Variants in PCDHGB4 observed in about 807,000 individuals in gnomAD.
The protein encoded by PCDHGB4 is protocadherin gamma-B4.
Under a neutral mutation model 60.5 loss-of-function variants are expected in PCDHGB4, and 38 were observed. That is an observed-to-expected ratio of 0.63 (90% CI 0.48 to 0.82). The LOEUF is 0.82. Ranked by LOEUF, PCDHGB4 falls within the 40% of genes least tolerant of loss-of-function variation. The pLI, the probability that PCDHGB4 is intolerant of heterozygous loss-of-function variation, is 0.00. For synonymous variants in PCDHGB4, 456 were observed against 509.7 expected, an observed-to-expected ratio of 0.89 and a Z score of 1.42; for missense variants, 1,109 against 1,209.6, an observed-to-expected ratio of 0.92 and a Z score of 1.23.
intron 1 of PCDHGB4, chr5:141,479,743 T>C (rs2154578017): frequency 6.6e-6 from 1 of 152,356 alleles, no homozygotes; most frequent in African/African-American, 2.4e-5. Flanking sequence ...ATATGCACAA[T>C]GTGAAAGGTA....
intron 1 of PCDHGB4, chr5:141,410,849 C>CTTTTTTTTTTTTTTTTTTGTTTTTTTT (rs2095435748): frequency 1.5e-5 from 2 of 129,786 alleles, no homozygotes; most frequent in Non-Finnish European, 2.6e-5. Context: ...TTGTCTTTGT[C>CTTTTTTTTTTTTTTTTTTGTTTTTTTT]TTTTTTTTTT....
chr5:141,434,714 G>A (rs1333237898), intron 1 of PCDHGB4, among the ~76,000 whole-genome samples: 1 of 151,564 alleles, frequency 6.6e-6, no homozygotes, highest in Non-Finnish European at 1.5e-5. Context: ...GTAAATCTCT[G>A]TTCAGGGCTC....
chr5:141,422,626 C>A, intron 1 of PCDHGB4: 2 of 1,613,334 alleles, frequency 1.2e-6, no homozygotes, highest in Non-Finnish European at 1.7e-6. Flanking sequence ...CGAAAACAAC[C>A]CCAGGGGTGC....
chr5:141,488,054 A>G (rs1255295788), intron 1 of PCDHGB4, among the ~76,000 whole-genome samples: 1 of 152,206 alleles, frequency 6.6e-6, no homozygotes, highest in Admixed American at 6.5e-5. Flanking sequence ...TTGAGGGGAA[A>G]TAAAATCTTT....
rs115808055 is a variant in PCDHGB4 at position 141,476,782 on chromosome 5, A to G, written c.2398-18025A>G. Reference sequence around the variant, plus strand: ...TGACGGCGTTGGACGGAGGGACCCCAGCTCTCTCCGCCAGCCTGCCTATTC... The same window carrying G: ...TGACGGCGTTGGACGGAGGGACCCCGGCTCTCTCCGCCAGCCTGCCTATTC... On this transcript the variant is annotated intron_variant, in intron 1 of 3. Transcript: ENST00000519479. This position sits in a 1 kb window ranked among gnomAD's most constrained non-coding sequence, Gnocchi z 7.6. 18,517 of 1,613,566 alleles carry G rather than the reference A, an allele frequency of 0.011. 139 individuals are homozygous for G. Among genetic ancestry groups the G allele is most frequent in the Non-Finnish European group, 0.014 (16,976 of 1,179,996 alleles).
chr5:141,422,027 C>A, intron 1 of PCDHGB4: 1 of 1,610,650 alleles, frequency 6.2e-7, no homozygotes, highest in Non-Finnish European at 8.5e-7. Context: ...ATGGTTAATG[C>A]AACGGATCCA....
rs748605515 is a variant in PCDHGB4 at position 141,486,688 on chromosome 5, C to T, written c.2398-8119C>T. ...CCAGGAATCGAGATGTATCAGCTTC[C>T]TCTTTCATCTCTCTGAACCCCCAGA... On this transcript the variant is annotated intron_variant, in intron 1 of 3. Transcript: ENST00000519479. The surrounding 1 kb of genome is among the most constrained non-coding windows in gnomAD (Gnocchi z 5.0). 2 of 1,614,170 alleles carry T rather than the reference C, an allele frequency of 1.2e-6. No individual in the cohort carries two copies. The highest frequency in any genetic ancestry group is 1.1e-5 in the South Asian group (1 of 91,086).
Position 141,389,832 on chromosome 5 carries a change from C to T in PCDHGB4, c.1948C>T (p.Pro650Ser), listed in dbSNP as rs758113562. Reference protein sequence around the residue: ...LLVAVRDGGQPPLSATATLHL... With the variant: ...LLVAVRDGGQSPLSATATLHL... ...GGTCGCCGTGCGTGACGGTGGACAG[C>T]CACCACTCTCGGCCACTGCCACGTT... The change falls in exon 1 of 4, where the codon CCA (proline) becomes TCA (serine). Residue 650 changes from proline to serine, a missense_variant. Around this residue, in one of 2 missense-constraint regions of PCDHGB4, gnomAD observed 1,068 missense variants for 1,089.9 expected, o/e 0.98. Coordinates refer to ENST00000519479, the MANE Select transcript of PCDHGB4 (RefSeq NM_003736.4). The T allele has an allele frequency of 2.2e-5, 36 of 1,613,848 alleles. 1 individual carries two copies. The South Asian group carries it at 3.8e-4, about 17-fold the overall frequency.
chr5:141,419,851 C>T, intron 1 of PCDHGB4: 1 of 1,614,062 alleles, frequency 6.2e-7, no homozygotes, highest in Non-Finnish European at 8.5e-7. Context: ...ACCTGGTGTT[C>T]GCAGATAGCT....
At chr5:141,460,741 A>G (rs1378900827) in intron 1 of PCDHGB4, among the ~76,000 whole-genome samples, 1 of 152,128 alleles carries the variant, frequency 6.6e-6, no homozygotes, top group Non-Finnish European at 1.5e-5. Flanking sequence ...CACATTGTAT[A>G]TATATGTGTA....
chr5:141,395,797 A>G (rs56946131), intron 1 of PCDHGB4: 16,957 of 151,702 alleles, frequency 0.11, 1,119 homozygotes, highest in African/African-American at 0.18. Flanking sequence ...ACTTCTTACC[A>G]TCCTTCAAAA....
At chr5:141,499,438 G>A (rs2154592492) in intron 2 of PCDHGB4, among the ~76,000 whole-genome samples, 1 of 152,158 alleles carries the variant, frequency 6.6e-6, no homozygotes, top group Admixed American at 6.5e-5. Context: ...AAAATTAAAA[G>A]GAAAACCACC....
Position 141,393,820 on chromosome 5 carries a change from CG to C in PCDHGB4, c.2397+3541del, listed in dbSNP as rs370400807. Reference sequence around the variant, plus strand: ...CTGGGGAGGACCAAATTGCTCATTTCGGTGGAAGATGTAAATGACAATAGAC... The same window carrying C: ...CTGGGGAGGACCAAATTGCTCATTTCGTGGAAGATGTAAATGACAATAGAC... On this transcript the variant is annotated intron_variant, in intron 1 of 3. Transcript: ENST00000519479. The C allele has an allele frequency of 9.3e-6, 15 of 1,613,800 alleles. No individual in the cohort carries two copies. In the African/African-American group the frequency reaches 9.3e-5, roughly 10 times the overall value.
At chr5:141,488,198 G>C (rs1007623840) in intron 1 of PCDHGB4, among the ~76,000 whole-genome samples, 1 of 152,166 alleles carries the variant, frequency 6.6e-6, no homozygotes, top group Non-Finnish European at 1.5e-5. Flanking sequence ...CTGGGTCTTA[G>C]GACTCATATC....
intron 1 of PCDHGB4, among the ~76,000 whole-genome samples, chr5:141,438,579 CATACATACATACAT>C (rs1434774868): frequency 9.0e-5 from 5 of 55,782 alleles, no homozygotes; most frequent in Admixed American, 2.8e-4. Context: ...GATATACATA[CATACATACATACAT>C]ATATATATAT....
At chr5:141,430,220 G>A (rs1216694883) in intron 1 of PCDHGB4, among the ~76,000 whole-genome samples, 1 of 148,674 alleles carries the variant, frequency 6.7e-6, no homozygotes, top group Non-Finnish European at 1.5e-5. Flanking sequence ...TATATTATAT[G>A]ATTTGTCAAA....
chr5:141,398,337 G>T, intron 1 of PCDHGB4: 3 of 1,369,482 alleles, frequency 2.2e-6, no homozygotes, highest in Non-Finnish European at 3.0e-6. Context: ...GCGTCAGTTC[G>T]GAGAAGCCTT....
Position 141,456,287 on chromosome 5 carries a change from C to A in PCDHGB4, c.2398-38520C>A, listed in dbSNP as rs951430060. On this transcript the variant is annotated intron_variant, in intron 1 of 3. Transcript: ENST00000519479. ...CTGGCTACTTCCTGCTGAAAAGGGGCGTCTAATGGAGAACAGCAGCTAGGG... is the reference window on the plus strand; with the variant it reads ...CTGGCTACTTCCTGCTGAAAAGGGGAGTCTAATGGAGAACAGCAGCTAGGG... Among the ~76,000 whole-genome samples, 11 of 152,166 alleles carry A rather than the reference C, an allele frequency of 7.2e-5. No individual in the cohort carries two copies. In the East Asian group the frequency reaches 1.9e-3, roughly 27 times the overall value.
chr5:141,403,623 G>A (rs765775423), intron 1 of PCDHGB4: 1 of 1,613,898 alleles, frequency 6.2e-7, no homozygotes, highest in South Asian at 1.1e-5. Context: ...CGTCGCTCCA[G>A]CACAGTGCGC....
Sources: allele counts gnomAD v4.1 joint callset (sites outside exome capture counted in the v4.1 genomes callset), GRCh38; gene constraint gnomAD v4.1.1; regional missense constraint gnomAD v4.1.1; non-coding constraint Gnocchi (gnomAD v3.1); transcripts MANE v1.5; gene names NCBI Gene and HGNC (gene_info 2026-07-23, HGNC 2026-07-21).